CACNA1G: variants seen among roughly 807,000 people sequenced by gnomAD.
CACNA1G encodes the protein calcium voltage-gated channel subunit alpha1 G, also known as voltage-dependent T-type calcium channel subunit alpha-1G.
In CACNA1G, 67 loss-of-function variants were observed where a neutral mutation model predicts 219.4. That is an observed-to-expected ratio of 0.31 (90% CI 0.25 to 0.37). The LOEUF (loss-of-function observed/expected upper bound fraction) is 0.37, where lower values mean the gene tolerates loss of function less well. Among genes scored for constraint, CACNA1G ranks in the 10% least tolerant of loss-of-function variants. CACNA1G has a pLI of 1.00. For synonymous variants in CACNA1G, 1,296 were observed against 1,345.3 expected, an observed-to-expected ratio of 0.96 and a Z score of 0.80; for missense variants, 2,380 against 3,231.4, an observed-to-expected ratio of 0.74 and a Z score of 6.39.
Position 50,572,806 on chromosome 17 carries a change from C to T in CACNA1G, c.999C>T (p.Gly333=), listed in dbSNP as rs766193111. 21 of 1,613,804 alleles carry T rather than the reference C, an allele frequency of 1.3e-5. No homozygotes were observed. Among genetic ancestry groups the T allele is most frequent in the African/African-American group, 5.3e-5 (4 of 74,920 alleles). Reference sequence around the variant, plus strand: ...CGGGGGAGCACAACCCCTTCAAGGGCGCCATCAACTTTGACAACATTGGCT... The same window carrying T: ...CGGGGGAGCACAACCCCTTCAAGGGTGCCATCAACTTTGACAACATTGGCT... ...CSAGEHNPFK[G]AINFDNIGYA... is the part of the protein sequence containing the mutation. The change falls in exon 6 of 38, where the codon GGC becomes GGT. Residue 333 remains glycine, a synonymous_variant. Coordinates refer to ENST00000359106, the MANE Select transcript of CACNA1G (RefSeq NM_018896.5).
intron 24 of CACNA1G, 108 bp from the exon 25 acceptor site, chr17:50,607,719 C>T: frequency 1.2e-6 from 1 of 865,944 alleles, no homozygotes; most frequent in South Asian, 1.4e-5. Flanking sequence ...CATCGCCTGT[C>T]AGGCGGCTGT....
At chr17:50,581,675 G>T (rs1378535775) in intron 9 of CACNA1G, among the ~76,000 whole-genome samples, 2 of 152,254 alleles carry the variant, frequency 1.3e-5, no homozygotes, top group Non-Finnish European at 2.9e-5. Flanking sequence ...AGCTGGAGGA[G>T]AACTGGCAGG....
chr17:50,618,050 G>T lies in CACNA1G; in HGVS notation c.5229G>T (p.Val1743=), dbSNP rs532438743. 3.7e-6 allele frequency: 6 copies of T among 1,613,804 alleles called. No homozygotes were observed. Among genetic ancestry groups the T allele is most frequent in the Non-Finnish European group, 4.2e-6 (5 of 1,179,776 alleles). ...LDTVMQALPQ[V]GNLGLLFMLL... ...CTATTTCTTCTCCTTTTTTCCAGGT[G>T]GGGAACCTGGGACTTCTCTTCATGT... Residue 1743 remains valine, a splice_region_variant and synonymous_variant, in exon 31 of 38, where the codon GTG becomes GTT. Transcript: ENST00000359106. This position sits in a 1 kb window ranked among gnomAD's most constrained non-coding sequence, Gnocchi z 5.3.
At chr17:50,574,956 A>C (rs777880706) in intron 7 of CACNA1G, among the ~76,000 whole-genome samples, 18 of 152,132 alleles carry the variant, frequency 1.2e-4, no homozygotes, top group Non-Finnish European at 2.1e-4. Flanking sequence ...AAATGGGGAC[A>C]GACAAGGCCA....
intron 8 of CACNA1G, among the ~76,000 whole-genome samples, chr17:50,577,069 T>G (rs1209447567): frequency 6.6e-6 from 1 of 152,192 alleles, no homozygotes; most frequent in Non-Finnish European, 1.5e-5. Context: ...CGTGGGGATG[T>G]TACGTGGGAA....
At chr17:50,605,427 A>T (rs1252229870) in intron 22 of CACNA1G, among the ~76,000 whole-genome samples, 1 of 152,122 alleles carries the variant, frequency 6.6e-6, no homozygotes, top group Admixed American at 6.5e-5. Context: ...CCCCACCCAG[A>T]GCTGCTGTGA....
At position 50,623,469 on chromosome 17, in the gene CACNA1G, C is replaced by T. The variant is rs1348379594; in HGVS notation, c.6061-438C>T. On this transcript the variant is annotated intron_variant, in intron 35 of 37. Transcript: ENST00000359106. The stretch of plus-strand genomic sequence containing the variant: ...GAGCTGCTCTGGGTCAGGGCCCCAG[C>T]CCATCCCTGTGGACACCGGGACTCC... 4.6e-5 allele frequency among the ~76,000 whole-genome samples: 7 copies of T among 151,794 alleles called. 1 individual carries two copies. Among genetic ancestry groups the T allele is most frequent in the Non-Finnish European group, 1.0e-4 (7 of 67,946 alleles).
chr17:50,604,079 T>G (rs1598526120), intron 21 of CACNA1G, 76 bp from the exon 22 acceptor site: 2 of 1,465,186 alleles, frequency 1.4e-6, no homozygotes, highest in Non-Finnish European at 1.8e-6. Context: ...AGGTTGGGGG[T>G]GGGGAGCAGG....
chr17:50,582,660 G>T (rs1311221186), intron 9 of CACNA1G, among the ~76,000 whole-genome samples: 2 of 152,142 alleles, frequency 1.3e-5, no homozygotes, highest in Non-Finnish European at 2.9e-5. Context: ...CAGGAGTGGG[G>T]CCTTGGAGAC....
intron 9 of CACNA1G, among the ~76,000 whole-genome samples, chr17:50,589,078 T>C (rs1206529353): frequency 6.6e-6 from 1 of 152,188 alleles, no homozygotes; most frequent in Non-Finnish European, 1.5e-5. Context: ...TACTATGGAC[T>C]TGGCCTCTGC....
rs2053954088 is a variant in CACNA1G at position 50,627,242 on chromosome 17, C to T, written c.*491C>T. 1 of 453,760 alleles carries T rather than the reference C, an allele frequency of 2.2e-6. No individual in the cohort carries two copies. Among genetic ancestry groups the T allele is most frequent in the African/African-American group, 2.0e-5 (1 of 49,866 alleles). 28.1% of individuals were successfully genotyped at this position (453,760 alleles called of 1,614,324 possible). On this transcript the variant is annotated 3_prime_UTR_variant, in exon 38 of 38. Transcript: ENST00000359106. ...AAAGCACAAGCTGGGACCGCGAGCA[C>T]ATTGCAGCCCCAACGGTGGCCCATC... is the stretch of plus-strand genomic sequence containing the variant.
At position 50,602,897 on chromosome 17, in the gene CACNA1G, G is replaced by A; in HGVS notation, c.3984+9G>A. On this transcript the variant is annotated intron_variant, in intron 20 of 37. Transcript: ENST00000359106. Reference sequence around the variant, plus strand: ...CTGAAATGACAGTGAAGGTGATGGGGGCTGGTGTTGGCTTGGGACCTCTGG... The same window carrying A: ...CTGAAATGACAGTGAAGGTGATGGGAGCTGGTGTTGGCTTGGGACCTCTGG... 1.2e-6 allele frequency: 2 copies of A among 1,613,758 alleles called. No individual in the cohort carries two copies. Among genetic ancestry groups the A allele is most frequent in the Non-Finnish European group, 1.7e-6 (2 of 1,179,766 alleles).
chr17:50,572,712 A>G lies in CACNA1G; in HGVS notation c.905A>G (p.Tyr302Cys), dbSNP rs1215728860. 5.0e-6 allele frequency: 8 copies of G among 1,613,732 alleles called. No individual in the cohort carries two copies. In the South Asian group the frequency reaches 5.5e-5, roughly 11 times the overall value. The part of the protein sequence containing the change: ...GGGGPPCGLD[Y>C]EAYNSSSNTT... ...GGTGGCCCACCTTGCGGTCTGGACTATGAGGCCTACAACAGCTCCAGCAAC... is the reference window on the plus strand; with the variant it reads ...GGTGGCCCACCTTGCGGTCTGGACTGTGAGGCCTACAACAGCTCCAGCAAC... The change falls in exon 6 of 38, where the codon TAT becomes TGT. Residue 302 changes from tyrosine to cysteine, a missense_variant. By Grantham distance (194) the Tyr-to-Cys change is radical (BLOSUM62 -2). Transcript: ENST00000359106.
intron 9 of CACNA1G, among the ~76,000 whole-genome samples, chr17:50,586,899 G>A (rs1322669736): frequency 2.6e-5 from 4 of 152,212 alleles, no homozygotes; most frequent in Admixed American, 2.6e-4. Context: ...GAGTGGAGGT[G>A]TTAGGAAATG....
chr17:50,582,136 C>T (rs2042086329), intron 9 of CACNA1G, among the ~76,000 whole-genome samples: 1 of 152,210 alleles, frequency 6.6e-6, no homozygotes, highest in African/African-American at 2.4e-5. Flanking sequence ...AGTAAACGGT[C>T]ATATTTACTT....
chr17:50,578,191 C>T lies in CACNA1G; in HGVS notation c.1928C>T (p.Ala643Val). ...HKLLETQSTGACQSSCKISSP... is the reference protein window; with the variant it reads ...HKLLETQSTGVCQSSCKISSP... ...CACCTCTACTCTCCTGTTCCAGGTG[C>T]CTGCCAAAGCTCTTGCAAGATCTCC... Residue 643 changes from alanine (A) to valine (V), a missense_variant, in exon 9 of 38, where the codon GCC becomes GTC. Ala to Val is a moderately conservative substitution (Grantham distance 64). Around this residue, in one of 17 missense-constraint regions of CACNA1G, gnomAD observed 434 missense variants for 417.3 expected, o/e 1.04. Coordinates refer to ENST00000359106, the MANE Select transcript of CACNA1G (RefSeq NM_018896.5). The surrounding 1 kb of genome is among the most constrained non-coding windows in gnomAD (Gnocchi z 4.5). The T allele has an allele frequency of 6.4e-7, 1 of 1,566,858 alleles. No individual in the cohort carries two copies. Among genetic ancestry groups the T allele is most frequent in the Non-Finnish European group, 8.7e-7 (1 of 1,155,116 alleles).
chr17:50,583,689 G>GA (rs2042427878), intron 9 of CACNA1G, among the ~76,000 whole-genome samples: 1 of 150,756 alleles, frequency 6.6e-6, no homozygotes, highest in African/African-American at 2.4e-5. Flanking sequence ...AGATGGAGGG[G>GA]TGGGTAGGAG....
chr17:50,598,013 G>A (rs1169741367), intron 16 of CACNA1G, among the ~76,000 whole-genome samples: 5 of 152,176 alleles, frequency 3.3e-5, no homozygotes, highest in Non-Finnish European at 7.3e-5. Context: ...CACAGTGCAT[G>A]TATGCCATAT....
chr17:50,618,350 G>A lies in CACNA1G; in HGVS notation c.5427+7G>A. 6.2e-7 allele frequency: 1 copy of A among 1,612,604 alleles called. No homozygotes were observed. Among genetic ancestry groups the A allele is most frequent in the South Asian group, 1.1e-5 (1 of 91,032 alleles). On this transcript the variant is annotated splice_region_variant and intron_variant, in intron 32 of 37. Transcript: ENST00000359106. The surrounding 1 kb of genome is among the most constrained non-coding windows in gnomAD (Gnocchi z 5.3). ...TTGGAATGGCATTATGAAGGTAAGG[G>A]CCCAGGGTTGGCCTAGGCTCCAGGG...
Sources: allele counts gnomAD v4.1 joint callset (sites outside exome capture counted in the v4.1 genomes callset), GRCh38; gene constraint gnomAD v4.1.1; regional missense constraint gnomAD v4.1.1; non-coding constraint Gnocchi (gnomAD v3.1); transcripts MANE v1.5; gene names NCBI Gene and HGNC (gene_info 2026-07-23, HGNC 2026-07-21).